The following CFAP61 variants were observed in gnomAD, a reference collection of about 807,000 sequenced individuals.
The protein encoded by CFAP61 is cilia and flagella associated protein 61.
Under a neutral mutation model 135.6 loss-of-function variants are expected in CFAP61, and 107 were observed. That is an observed-to-expected ratio of 0.79 (90% CI 0.67 to 0.93). The LOEUF is 0.93. CFAP61 is among the 40% of genes least tolerant of loss of function. The pLI is 0.00. For missense variants in CFAP61, 1,507 were observed against 1,556.2 expected (o/e 0.97, Z 0.53); for synonymous variants, 575 against 578.5 (o/e 0.99, Z 0.09).
At chr20:20,279,731 G>A (rs2054044620) in intron 22 of CFAP61, among the ~76,000 whole-genome samples, 1 of 152,180 alleles carries the variant, frequency 6.6e-6, no homozygotes, top group Non-Finnish European at 1.5e-5. Context: ...AACACCGTCT[G>A]AGTCAGACAT....
At chr20:20,309,182 A>G (rs2056665381) in intron 25 of CFAP61, among the ~76,000 whole-genome samples, 1 of 152,130 alleles carries the variant, frequency 6.6e-6, no homozygotes, top group African/African-American at 2.4e-5. Context: ...CTGAGTCTTT[A>G]TAGGTTTCTT....
chr20:20,347,284 G>T (rs1217928181), intron 26 of CFAP61, among the ~76,000 whole-genome samples: 1 of 152,090 alleles, frequency 6.6e-6, no homozygotes, highest in Non-Finnish European at 1.5e-5. Flanking sequence ...TACATAAAAA[G>T]AACTCAAATC....
intron 18 of CFAP61, among the ~76,000 whole-genome samples, chr20:20,238,095 A>G (rs894818690): frequency 1.3e-5 from 2 of 152,248 alleles, no homozygotes; most frequent in South Asian, 4.1e-4. Flanking sequence ...GTCTCTTATG[A>G]TTTAAACAGA....
intron 6 of CFAP61, among the ~76,000 whole-genome samples, chr20:20,077,393 G>T (rs1354100212): frequency 6.6e-6 from 1 of 152,180 alleles, no homozygotes; most frequent in East Asian, 1.9e-4. Flanking sequence ...ATAGGAATCA[G>T]ATAGAGATAG....
intron 13 of CFAP61, 38 bp from the exon 14 acceptor site, chr20:20,187,892 G>A (rs1442034867): frequency 6.5e-7 from 1 of 1,535,370 alleles, no homozygotes; most frequent in Admixed American, 1.7e-5. Context: ...TACATATTTA[G>A]TACTTTAACT....
Position 20,163,393 on chromosome 20 carries a change from G to C in CFAP61, c.1027-657G>C, listed in dbSNP as rs576072640. Among the ~76,000 whole-genome samples, 15 of 152,232 alleles carry C rather than the reference G, an allele frequency of 9.9e-5. No homozygotes were observed. The South Asian group carries it at 3.1e-3, about 32-fold the overall frequency. ...CCCAGGACCACCTGAGCAGTCCCAA[G>C]ATTCAAAAATTCTTGTATCACAATG... On this transcript the variant is annotated intron_variant, in intron 10 of 26. Coordinates refer to ENST00000245957, the MANE Select transcript of CFAP61 (RefSeq NM_015585.4).
At chr20:20,210,811 G>A (rs898275839) in intron 17 of CFAP61, among the ~76,000 whole-genome samples, 14 of 152,042 alleles carry the variant, frequency 9.2e-5, no homozygotes, top group African/African-American at 3.4e-4. Flanking sequence ...GTTACATCCC[G>A]TTAATAAATT....
intron 22 of CFAP61, among the ~76,000 whole-genome samples, chr20:20,283,435 G>A (rs2054345190): frequency 6.6e-6 from 1 of 151,946 alleles, no homozygotes; most frequent in African/African-American, 2.4e-5. Context: ...ACTTATCTGT[G>A]TCTTTGTGTC....
intron 13 of CFAP61, among the ~76,000 whole-genome samples, chr20:20,182,905 A>G (rs2055209890): frequency 6.6e-6 from 1 of 152,220 alleles, no homozygotes; most frequent in Non-Finnish European, 1.5e-5. Flanking sequence ...ATAGTGACAC[A>G]TGGCTATCAG....
intron 9 of CFAP61, among the ~76,000 whole-genome samples, chr20:20,149,644 G>A (rs2052231205): frequency 6.6e-6 from 1 of 152,202 alleles, no homozygotes; most frequent in African/African-American, 2.4e-5. Context: ...AATGGATTTA[G>A]TGTGAAATAT....
chr20:20,349,198 C>G (rs535108745), intron 26 of CFAP61, among the ~76,000 whole-genome samples: 4 of 152,284 alleles, frequency 2.6e-5, no homozygotes, highest in African/African-American at 9.6e-5. Flanking sequence ...AATCTGTTTG[C>G]ATTGCTTTAG....
chr20:20,110,021 C>T (rs2048693427), intron 8 of CFAP61, among the ~76,000 whole-genome samples: 1 of 151,956 alleles, frequency 6.6e-6, no homozygotes, highest in Non-Finnish European at 1.5e-5. Flanking sequence ...ATTCTCCTGT[C>T]TCAGCCTCCC....
intron 18 of CFAP61, among the ~76,000 whole-genome samples, chr20:20,234,412 T>C (rs926919605): frequency 1.3e-5 from 2 of 152,144 alleles, no homozygotes; most frequent in Non-Finnish European, 2.9e-5. Flanking sequence ...AAGTTGCCTT[T>C]TACTGAAACT....
chr20:20,261,016 G>A (rs1306556169), intron 20 of CFAP61, among the ~76,000 whole-genome samples: 2 of 152,136 alleles, frequency 1.3e-5, no homozygotes, highest in African/African-American at 4.8e-5. Flanking sequence ...ATTACTAAAC[G>A]AGCTATATTA....
At chr20:20,345,705 G>A (rs2058603568) in intron 26 of CFAP61, among the ~76,000 whole-genome samples, 1 of 152,012 alleles carries the variant, frequency 6.6e-6, no homozygotes, top group Non-Finnish European at 1.5e-5. Flanking sequence ...CAGATCACCT[G>A]AGGTCAGGAG....
chr20:20,097,148 C>T (rs1239687639), intron 7 of CFAP61, among the ~76,000 whole-genome samples: 1 of 150,154 alleles, frequency 6.7e-6, no homozygotes, highest in Non-Finnish European at 1.5e-5. Context: ...TATTGTAGCC[C>T]GATTCTCTGT....
Position 20,117,257 on chromosome 20 carries a change from T to C in CFAP61, c.859+18443T>C, listed in dbSNP as rs984194425. The stretch of plus-strand genomic sequence containing the variant: ...TACTTGGGAGGCTGAGGCAGGACAA[T>C]CACTTGAAACCAGAGGGTGGATATT... On this transcript the variant is annotated intron_variant, in intron 8 of 26. Transcript: ENST00000245957. Among the ~76,000 whole-genome samples, 6 of 152,180 alleles carry C rather than the reference T, an allele frequency of 3.9e-5. No individual in the cohort carries two copies. In the South Asian group the frequency reaches 1.2e-3, roughly 32 times the overall value.
intron 25 of CFAP61, among the ~76,000 whole-genome samples, chr20:20,315,150 C>T (rs2057054931): frequency 6.6e-6 from 1 of 151,556 alleles, no homozygotes; most frequent in African/African-American, 2.4e-5. Flanking sequence ...TACAGTCCCA[C>T]CAACAGTGTA....
At chr20:20,319,471 C>T (rs566227806) in intron 25 of CFAP61, among the ~76,000 whole-genome samples, 5 of 152,226 alleles carry the variant, frequency 3.3e-5, no homozygotes, top group African/African-American at 1.2e-4. Flanking sequence ...GCGGATTTTC[C>T]CCTTGCTGTT....
Sources: allele counts gnomAD v4.1 joint callset (sites outside exome capture counted in the v4.1 genomes callset), GRCh38; gene constraint gnomAD v4.1.1; transcripts MANE v1.5; gene names NCBI Gene and HGNC (gene_info 2026-07-23, HGNC 2026-07-21).